Variants in ADAM17 observed in about 807,000 individuals in gnomAD.
The protein encoded by ADAM17 is ADAM metallopeptidase domain 17.
Under a neutral mutation model 96.7 loss-of-function variants are expected in ADAM17, and 39 were observed. The observed-to-expected ratio is 0.40, with a 90% CI of 0.31 to 0.53. The LOEUF is 0.53. Among genes scored for constraint, ADAM17 ranks in the 20% least tolerant of loss-of-function variants. The probability of loss-of-function intolerance (pLI) is 0.44; values close to 1 mark genes in which losing one functional copy is unlikely to be tolerated. For missense variants in ADAM17, 777 were observed against 1,013.2 expected, an observed-to-expected ratio of 0.77 and a Z score of 3.17; for synonymous variants, 344 against 359.2, an observed-to-expected ratio of 0.96 and a Z score of 0.48.
chr2:9,533,439 C>G (rs935095431), intron 4 of ADAM17, among the ~76,000 whole-genome samples: 117 of 151,846 alleles, frequency 7.7e-4, no homozygotes, highest in African/African-American at 2.7e-3. Context: ...CCCAGCTACT[C>G]GGGAGGCTGA....
chr2:9,538,970 C>T (rs903235895), intron 2 of ADAM17, among the ~76,000 whole-genome samples: 1 of 152,096 alleles, frequency 6.6e-6, no homozygotes, highest in African/African-American at 2.4e-5. Context: ...AGTTCTAGAC[C>T]TTCTCAAGTA....
At chr2:9,511,767 T>C (rs1319673497) in intron 10 of ADAM17, among the ~76,000 whole-genome samples, 1 of 152,118 alleles carries the variant, frequency 6.6e-6, no homozygotes, top group African/African-American at 2.4e-5. Context: ...GGTCAGGAGT[T>C]CCAGACCAGA....
At position 9,489,696 on chromosome 2, in the gene ADAM17, G is replaced by A. The variant is rs1661930937; in HGVS notation, c.*481C>T. 8.4e-6 allele frequency: 1 copy of A among 118,854 alleles called. No homozygotes were observed. The highest frequency in any genetic ancestry group is 3.2e-5 in the African/African-American group (1 of 30,782). 7.4% of individuals were successfully genotyped at this position (118,854 alleles called of 1,614,324 possible). A position where few individuals can be genotyped will look rare whatever the true frequency, so the allele number is the denominator to read the frequency against. On this transcript the variant is annotated 3_prime_UTR_variant, in exon 19 of 19. Coordinates refer to ENST00000310823, the MANE Select transcript of ADAM17 (RefSeq NM_003183.6). ...CACAATTTAGAGACAATGTATACTA[G>A]ATTTATCTCCTTTGTTTTTAGTTGA...
chr2:9,520,161 A>C (rs933277075), intron 8 of ADAM17, among the ~76,000 whole-genome samples: 4 of 152,266 alleles, frequency 2.6e-5, no homozygotes, highest in Non-Finnish European at 5.9e-5. Flanking sequence ...TAGCCCATGC[A>C]AACTATGGGA....
chr2:9,525,631 CTAG>C (rs1664496148), intron 6 of ADAM17, among the ~76,000 whole-genome samples: 1 of 152,216 alleles, frequency 6.6e-6, no homozygotes, highest in Admixed American at 6.5e-5. Flanking sequence ...TGCCCTAGAA[CTAG>C]TTATGACCAT....
chr2:9,511,854 G>A (rs1429302522), intron 10 of ADAM17, among the ~76,000 whole-genome samples: 2 of 151,248 alleles, frequency 1.3e-5, no homozygotes, highest in South Asian at 2.1e-4. Flanking sequence ...GCCTGTAATC[G>A]CAGCTATTTG....
At position 9,490,530 on chromosome 2, in the gene ADAM17, T is replaced by C. The variant is rs1184205117; in HGVS notation, c.2134-12A>G. The C allele has an allele frequency of 1.2e-6, 2 of 1,602,672 alleles. No homozygotes were observed. Among genetic ancestry groups the C allele is most frequent in the Admixed American group, 3.4e-5 (2 of 59,324 alleles). On this transcript the variant is annotated splice_polypyrimidine_tract_variant and intron_variant, in intron 18 of 18. Coordinates refer to ENST00000310823, the MANE Select transcript of ADAM17 (RefSeq NM_003183.6). ...AGCATTTCGACGTTCTGCAAAGACA[T>C]GGGTTCAATTGATTGATAGGAATAA... is the stretch of plus-strand genomic sequence containing the variant.
chr2:9,527,604 T>A, intron 5 of ADAM17, 182 bp downstream of exon 5: 1 of 395,408 alleles, frequency 2.5e-6, no homozygotes. Flanking sequence ...TTTTCCAGAG[T>A]TTTCAACTCT....
intron 14 of ADAM17, 167 bp from the exon 15 acceptor site, chr2:9,494,934 G>C: frequency 1.3e-6 from 1 of 742,228 alleles, no homozygotes; most frequent in Non-Finnish European, 2.0e-6. Context: ...TAGTTTCTGA[G>C]GTCACACTCC....
In ADAM17 at chr2:9,513,491, T is replaced by G. The variant is rs908650282; in HGVS notation, c.1192-3360A>C. On this transcript the variant is annotated intron_variant, in intron 10 of 18. Coordinates refer to ENST00000310823, the MANE Select transcript of ADAM17 (RefSeq NM_003183.6). ...GGGGAGGAGGGAACAGTCAGTCTTG[T>G]GGGACTGGGCCCTCAAACTGTGAGA... Among the ~76,000 whole-genome samples, 5 of 152,254 alleles carry G rather than the reference T, an allele frequency of 3.3e-5. No homozygotes were observed. In the East Asian group the frequency reaches 9.7e-4, roughly 29 times the overall value.
intron 16 of ADAM17, 56 bp downstream of exon 16, chr2:9,493,688 CTAA>C: frequency 1.4e-6 from 2 of 1,455,674 alleles, no homozygotes; most frequent in Non-Finnish European, 1.9e-6. Flanking sequence ...GCACACTTTT[CTAA>C]TGTCATCACA....
chr2:9,526,392 T>C, intron 5 of ADAM17, 148 bp from the exon 6 acceptor site: 1 of 837,088 alleles, frequency 1.2e-6, no homozygotes, highest in East Asian at 2.8e-5. Context: ...AAAAATAATT[T>C]GGAGGAAGAC....
chr2:9,523,208 A>G, intron 7 of ADAM17, 41 bp downstream of exon 7: 2 of 1,445,838 alleles, frequency 1.4e-6, no homozygotes, highest in Non-Finnish European at 1.9e-6. Flanking sequence ...TATTTACATT[A>G]CAAAACTTAA....
intron 4 of ADAM17, among the ~76,000 whole-genome samples, chr2:9,528,887 T>G (rs1664630863): frequency 9.9e-5 from 15 of 152,216 alleles, no homozygotes; most frequent in Admixed American, 9.8e-4. Flanking sequence ...GAAAACAGTC[T>G]GGCAGGTCCT....
At chr2:9,517,056 C>A (rs566317322) in intron 10 of ADAM17, among the ~76,000 whole-genome samples, 4 of 152,272 alleles carry the variant, frequency 2.6e-5, no homozygotes, top group African/African-American at 9.6e-5. Context: ...CAGAAGAGAA[C>A]CATCTTAAAA....
At position 9,492,959 on chromosome 2, in the gene ADAM17, C is replaced by G; in HGVS notation, c.2021G>C (p.Gly674Ala). ...TATCAAGGAGAAAACCAGGACAGAC[C>G]CAACGATGTTGTCTGCTAAAAACTT... is the stretch of plus-strand genomic sequence containing the variant. Reference protein sequence around the residue: ...FGKFLADNIVGSVLVFSLIFW... With the variant: ...FGKFLADNIVASVLVFSLIFW... Residue 674 changes from glycine (G) to alanine (A), a missense_variant, in exon 17 of 19, where the codon GGG (glycine) becomes GCG (alanine). Physicochemically the swap from Gly to Ala is moderately conservative, Grantham distance 60. Transcript: ENST00000310823. The G allele has an allele frequency of 6.2e-7, 1 of 1,611,244 alleles. No homozygotes were observed. Among genetic ancestry groups the G allele is most frequent in the East Asian group, 2.2e-5 (1 of 44,694 alleles).
chr2:9,548,019 A>G (rs1665457398), intron 1 of ADAM17, among the ~76,000 whole-genome samples: 1 of 151,922 alleles, frequency 6.6e-6, no homozygotes, highest in Non-Finnish European at 1.5e-5. Flanking sequence ...GTGAGCTGAT[A>G]TCGTGCCACT....
At position 9,488,798 on chromosome 2, in the gene ADAM17, C is replaced by T. The variant is rs1661813658; in HGVS notation, c.*1379G>A. ...AACAAGTATCTGAGTAACAAATGTC[C>T]TTGGAAATGGGGGGTAGGAGGAGAT... is the stretch of plus-strand genomic sequence containing the variant. On this transcript the variant is annotated 3_prime_UTR_variant, in exon 19 of 19. Transcript: ENST00000310823. The T allele has an allele frequency of 6.6e-6, 1 of 152,124 alleles. No homozygotes were observed. Among genetic ancestry groups the T allele is most frequent in the South Asian group, 2.1e-4 (1 of 4,828 alleles). The allele number at this position is 152,124 out of a possible 1,614,324, so 9.4% of individuals were successfully genotyped here. A position where few individuals can be genotyped will look rare whatever the true frequency, so the allele number is the denominator to read the frequency against.
chr2:9,530,691 T>C (rs769423104), intron 4 of ADAM17, among the ~76,000 whole-genome samples: 21 of 152,310 alleles, frequency 1.4e-4, no homozygotes, highest in Non-Finnish European at 2.5e-4. Flanking sequence ...TTAGATAATA[T>C]TGTAGAATTC....
Sources: allele counts gnomAD v4.1 joint callset (sites outside exome capture counted in the v4.1 genomes callset), GRCh38; gene constraint gnomAD v4.1.1; transcripts MANE v1.5; gene names NCBI Gene and HGNC (gene_info 2026-07-23, HGNC 2026-07-21).